The following CHST11 variants were observed in gnomAD, a reference collection of about 807,000 sequenced individuals.
CHST11 encodes the protein C4S-1.
In CHST11, 9 loss-of-function variants were observed where a neutral mutation model predicts 30.4. The ratio of observed to expected loss-of-function variants is 0.30; its 90% CI spans 0.18 to 0.52. The LOEUF (loss-of-function observed/expected upper bound fraction) is 0.52, where lower values mean the gene tolerates loss of function less well. Among genes scored for constraint, CHST11 ranks in the 20% least tolerant of loss-of-function variants. The pLI, the probability that CHST11 is intolerant of heterozygous loss-of-function variation, is 0.97. For missense variants in CHST11, 348 were observed against 460.6 expected, an observed-to-expected ratio of 0.76 and a Z score of 2.24; for synonymous variants, 152 against 187.8, an observed-to-expected ratio of 0.81 and a Z score of 1.56.
At chr12:104,469,701 G>C (rs1318339776) in intron 1 of CHST11, among the ~76,000 whole-genome samples, 1 of 152,120 alleles carries the variant, frequency 6.6e-6, no homozygotes, top group Non-Finnish European at 1.5e-5. Context: ...TCTGTGGCTG[G>C]CATTTGTAGC....
intron 2 of CHST11, among the ~76,000 whole-genome samples, chr12:104,734,224 T>C (rs772116409): frequency 1.9e-4 from 29 of 152,260 alleles, no homozygotes; most frequent in Non-Finnish European, 2.8e-4. Flanking sequence ...TTTATTTTTC[T>C]TATTTAAAAA....
At chr12:104,569,115 G>A (rs2038598444) in intron 1 of CHST11, among the ~76,000 whole-genome samples, 1 of 152,138 alleles carries the variant, frequency 6.6e-6, no homozygotes, top group Non-Finnish European at 1.5e-5. Context: ...AGTATCCACG[G>A]TCACAGAGCC....
chr12:104,568,877 A>G (rs1231949043), intron 1 of CHST11, among the ~76,000 whole-genome samples: 3 of 152,176 alleles, frequency 2.0e-5, no homozygotes, highest in Non-Finnish European at 2.9e-5. Flanking sequence ...GAAACCTACC[A>G]TTGGAGATCT....
At chr12:104,537,391 G>A (rs186551712) in intron 1 of CHST11, among the ~76,000 whole-genome samples, 1 of 152,170 alleles carries the variant, frequency 6.6e-6, no homozygotes, top group East Asian at 1.9e-4. Flanking sequence ...CGACATTAGG[G>A]GGGTAGTGGG....
chr12:104,522,610 A>G (rs1332254893), intron 1 of CHST11, among the ~76,000 whole-genome samples: 2 of 152,248 alleles, frequency 1.3e-5, no homozygotes, highest in South Asian at 4.1e-4. Context: ...CCTATGTTCC[A>G]TCATTTTATT....
intron 2 of CHST11, among the ~76,000 whole-genome samples, chr12:104,733,091 A>G (rs192566890): frequency 6.6e-6 from 1 of 152,352 alleles, no homozygotes; most frequent in African/African-American, 2.4e-5. Context: ...AAGGTCACGC[A>G]CTGGGATTCC....
chr12:104,741,810 T>C (rs992199529), intron 2 of CHST11, among the ~76,000 whole-genome samples: 3 of 152,290 alleles, frequency 2.0e-5, no homozygotes, highest in African/African-American at 7.2e-5. Flanking sequence ...AGCCTCAGAA[T>C]TGGCCTGATA....
intron 2 of CHST11, among the ~76,000 whole-genome samples, chr12:104,663,847 C>G (rs2039619053): frequency 1.3e-5 from 2 of 152,244 alleles, no homozygotes; most frequent in South Asian, 4.1e-4. Flanking sequence ...ATTCTTGTTC[C>G]CTTTCTTCCA....
chr12:104,463,844 A>G (rs777098559), intron 1 of CHST11, among the ~76,000 whole-genome samples: 1 of 152,146 alleles, frequency 6.6e-6, no homozygotes, highest in Non-Finnish European at 1.5e-5. Flanking sequence ...AAGAACACGC[A>G]TGGCAAGGTG....
At chr12:104,677,070 T>G (rs1203370992) in intron 2 of CHST11, among the ~76,000 whole-genome samples, 1 of 152,200 alleles carries the variant, frequency 6.6e-6, no homozygotes, top group Admixed American at 6.5e-5. Flanking sequence ...ATCTGAAGAA[T>G]AGAGTTTTCA....
intron 1 of CHST11, among the ~76,000 whole-genome samples, chr12:104,522,737 C>T (rs1412940474): frequency 6.6e-6 from 1 of 152,146 alleles, no homozygotes; most frequent in African/African-American, 2.4e-5. Flanking sequence ...CTGCCTCAGC[C>T]TCCTAAAGTG....
At chr12:104,517,012 T>A (rs757219553) in intron 1 of CHST11, among the ~76,000 whole-genome samples, 32 of 151,920 alleles carry the variant, frequency 2.1e-4, no homozygotes, top group Non-Finnish European at 5.9e-5. Flanking sequence ...TGCTCTAAGC[T>A]CTCTTCATGC....
intron 2 of CHST11, among the ~76,000 whole-genome samples, chr12:104,743,207 A>T (rs1409521765): frequency 6.6e-6 from 1 of 152,258 alleles, no homozygotes; most frequent in Non-Finnish European, 1.5e-5. Context: ...AGACCAGCAA[A>T]ATAAGTAAAT....
chr12:104,707,382 G>T (rs1271948264), intron 2 of CHST11, among the ~76,000 whole-genome samples: 1 of 152,158 alleles, frequency 6.6e-6, no homozygotes, highest in African/African-American at 2.4e-5. Context: ...ATAGTTACTG[G>T]CATTTAAAAA....
At chr12:104,716,282 T>G (rs1227053537) in intron 2 of CHST11, among the ~76,000 whole-genome samples, 2 of 152,202 alleles carry the variant, frequency 1.3e-5, no homozygotes, top group East Asian at 3.8e-4. Flanking sequence ...CCCTTGTCAT[T>G]TCAGATGCAG....
intron 1 of CHST11, among the ~76,000 whole-genome samples, chr12:104,487,215 G>T (rs1649602519): frequency 1.3e-5 from 2 of 152,154 alleles, no homozygotes; most frequent in South Asian, 4.1e-4. Context: ...TTGAGTGCCT[G>T]ATACATGCTA....
chr12:104,752,896 C>CCATTCATT (rs143056379), intron 2 of CHST11, among the ~76,000 whole-genome samples: 2 of 152,158 alleles, frequency 1.3e-5, no homozygotes, highest in African/African-American at 4.8e-5. Flanking sequence ...GATTATTAAG[C>CCATTCATT]CATTCATTCA....
chr12:104,574,061 G>A (rs1355101149), intron 1 of CHST11, among the ~76,000 whole-genome samples: 1 of 152,180 alleles, frequency 6.6e-6, no homozygotes, highest in Admixed American at 6.5e-5. Context: ...GATATGAACA[G>A]ACACTTCTCA....
At chr12:104,682,780 G>A (rs937040289) in intron 2 of CHST11, among the ~76,000 whole-genome samples, 13 of 152,230 alleles carry the variant, frequency 8.5e-5, no homozygotes, top group African/African-American at 3.1e-4. Flanking sequence ...CATGGCAACC[G>A]ATGTTCAATC....
Sources: allele counts gnomAD v4.1 joint callset (sites outside exome capture counted in the v4.1 genomes callset), GRCh38; gene constraint gnomAD v4.1.1; transcripts MANE v1.5; gene names NCBI Gene and HGNC (gene_info 2026-07-23, HGNC 2026-07-21).